Variants in CDC42BPG observed in about 807,000 individuals in gnomAD.
The protein encoded by CDC42BPG is serine/threonine-protein kinase MRCK gamma.
A neutral mutation model predicts 192.2 loss-of-function variants in CDC42BPG; 157 were observed. The observed-to-expected ratio is 0.82, with a 90% CI of 0.72 to 0.93. The LOEUF is 0.93. Among genes scored for constraint, CDC42BPG ranks in the 40% least tolerant of loss-of-function variants. The probability of loss-of-function intolerance (pLI) is 0.00; values close to 1 mark genes in which losing one functional copy is unlikely to be tolerated. For missense variants in CDC42BPG, 1,992 were observed against 2,122.1 expected, an observed-to-expected ratio of 0.94 and a Z score of 1.20; for synonymous variants, 981 against 918.5, an observed-to-expected ratio of 1.07 and a Z score of -1.23.
rs779188910 is a variant in CDC42BPG, at chr11:64,835,092, T to G, written c.2015A>C (p.Glu672Ala). The G allele has an allele frequency of 2.6e-6, 4 of 1,561,076 alleles. No individual in the cohort carries two copies. The East Asian group carries it at 9.6e-5, about 38-fold the overall frequency. ...SKQRLEGERRETESNWEAQLA... is the reference protein window; with the variant it reads ...SKQRLEGERRATESNWEAQLA... ...CTGGGCCTCCCAGTTGCTCTCCGTCTCCCGCCGCTCACCCTCCAGCCGCTG... is the reference window on the plus strand; with the variant it reads ...CTGGGCCTCCCAGTTGCTCTCCGTCGCCCGCCGCTCACCCTCCAGCCGCTG... The change falls in exon 17 of 37, where the codon GAG becomes GCG. Residue 672 changes from glutamate (E) to alanine (A), a missense_variant. This residue lies in a region of CDC42BPG where 1,656 missense variants were observed against 1,844.3 expected (regional missense o/e 0.90). Transcript: ENST00000342711.
intron 36 of CDC42BPG, 31 bp downstream of exon 36, chr11:64,826,439 G>C (rs1458160022): frequency 1.3e-6 from 2 of 1,497,610 alleles, no homozygotes; most frequent in African/African-American, 1.4e-5. Context: ...CGTTTGAATA[G>C]GGGACGGACA....
At position 64,836,427 on chromosome 11, in the gene CDC42BPG, C is replaced by T. The variant is rs749088349; in HGVS notation, c.1488G>A (p.Arg496=). 1.2e-6 allele frequency: 2 copies of T among 1,613,190 alleles called. No individual in the cohort carries two copies. Among genetic ancestry groups the T allele is most frequent in the Non-Finnish European group, 1.7e-6 (2 of 1,179,674 alleles). Residue 496 remains arginine, a splice_region_variant and synonymous_variant, in exon 12 of 37, where the codon CGG becomes CGA. Coordinates refer to ENST00000342711, the MANE Select transcript of CDC42BPG (RefSeq NM_017525.3). The part of the protein sequence containing the change: ...DLRQELDRLH[R]ELAEGRAGLQ... ...CTCACCCACCTCACCCAGCCCTCAC[C>T]CGGTGAAGTCGGTCAAGCTCCTGCC... is the stretch of plus-strand genomic sequence containing the variant.
chr11:64,836,365 C>G (rs1179418774), intron 12 of CDC42BPG, 62 bp downstream of exon 12: 3 of 993,192 alleles, frequency 3.0e-6, no homozygotes, highest in Non-Finnish European at 4.5e-6. Context: ...CCATGGAGCC[C>G]AGGGCCACTC....
chr11:64,827,186 G>A lies in CDC42BPG; in HGVS notation c.4272-19C>T. ...CATCTCCCTGTGGGCGGAGGTGTAA[G>A]TAGTGGGTGGCGAAGCTCCACCCTC... On this transcript the variant is annotated intron_variant, in intron 33 of 36. Transcript: ENST00000342711. 2 of 1,613,460 alleles carry A rather than the reference G, an allele frequency of 1.2e-6. No individual in the cohort carries two copies. Among genetic ancestry groups the A allele is most frequent in the East Asian group, 2.2e-5 (1 of 44,876 alleles).
chr11:64,828,111 G>A (rs1241772532), intron 30 of CDC42BPG, among the ~76,000 whole-genome samples: 3 of 152,196 alleles, frequency 2.0e-5, no homozygotes, highest in Non-Finnish European at 4.4e-5. Context: ...TCACTCAGCT[G>A]GTCCTGAGAG....
At chr11:64,840,741 G>T in intron 3 of CDC42BPG, 93 bp from the exon 4 acceptor site, 1 of 1,132,108 alleles carries the variant, frequency 8.8e-7, no homozygotes, top group Non-Finnish European at 1.3e-6. Context: ...GATTCTGTGA[G>T]TCTGGGAGCT....
intron 14 of CDC42BPG, 36 bp from the exon 15 acceptor site, chr11:64,835,657 A>C (rs1382865617): frequency 6.3e-7 from 1 of 1,580,642 alleles, no homozygotes; most frequent in Non-Finnish European, 8.6e-7. Context: ...CAGAGACCCA[A>C]GATGCCATGG....
intron 36 of CDC42BPG, among the ~76,000 whole-genome samples, chr11:64,825,493 G>T (rs573280593): frequency 1.7e-4 from 26 of 152,278 alleles, no homozygotes; most frequent in African/African-American, 6.0e-4. Flanking sequence ...CACCTGGAGG[G>T]CAGTCTGATG....
chr11:64,835,272 G>C (rs1942925918), intron 16 of CDC42BPG, 75 bp downstream of exon 16: 2 of 1,610,050 alleles, frequency 1.2e-6, no homozygotes, highest in Non-Finnish European at 1.7e-6. Flanking sequence ...ACTGGCTGCA[G>C]CTTGCCCACC....
At position 64,827,730 on chromosome 11, in the gene CDC42BPG, C is replaced by G. The variant is rs1430141961; in HGVS notation, c.4021G>C (p.Asp1341His). The part of the protein sequence containing the change: ...VFSENSIDVF[D>H]VRRAEWVQTV... ...TGCACCCATTCTGCCCTCCTCACGT[C>G]AAACACATCGATGGAGTTCTCGCTG... is the stretch of plus-strand genomic sequence containing the variant. The change falls in exon 31 of 37, where the codon GAC becomes CAC. Residue 1341 changes from aspartate to histidine, a missense_variant. Physicochemically the swap from Asp to His is moderately conservative, Grantham distance 81 (BLOSUM62 -1). Coordinates refer to ENST00000342711, the MANE Select transcript of CDC42BPG (RefSeq NM_017525.3). 1.9e-6 allele frequency: 3 copies of G among 1,613,414 alleles called. No individual in the cohort carries two copies. In the Admixed American group the frequency reaches 5.0e-5, roughly 27 times the overall value.
chr11:64,830,111 T>C (rs762608078), intron 29 of CDC42BPG, 41 bp from the exon 30 acceptor site: 51 of 1,611,658 alleles, frequency 3.2e-5, no homozygotes, highest in Non-Finnish European at 4.2e-5. Flanking sequence ...GGCAGGTGGT[T>C]GAAGAGTGAC....
chr11:64,827,508 T>TAC lies in CDC42BPG; in HGVS notation c.4150+17_4150+18dup. On this transcript the variant is annotated intron_variant, in intron 32 of 36. Transcript: ENST00000342711. ...GCGCACTGGGGAACGCACACACCCG[T>TAC]ACACACGCACTCCCTCACCTGCCAG... is the stretch of plus-strand genomic sequence containing the variant. 6.2e-7 allele frequency: 1 copy of TAC among 1,610,894 alleles called. No homozygotes were observed. The highest frequency in any genetic ancestry group is 1.1e-5 in the South Asian group (1 of 90,938).
chr11:64,836,450 G>A lies in CDC42BPG; in HGVS notation c.1465C>T (p.Gln489Ter). ...ACCCGGTGAAGTCGGTCAAGCTCCT[G>A]CCGTAGGTCACTGTCCTGACCTGGG... ...GSPGQDSDLR[Q>*]ELDRLHRELA... The change falls in exon 12 of 37, where the codon CAG becomes TAG. Residue 489 changes from glutamine (Q) to a stop codon, truncating the protein, a stop_gained. Coordinates refer to ENST00000342711, the MANE Select transcript of CDC42BPG (RefSeq NM_017525.3). LOFTEE classifies it high-confidence loss of function. 1 of 1,613,424 alleles carries A rather than the reference G, an allele frequency of 6.2e-7. No individual in the cohort carries two copies. Among genetic ancestry groups the A allele is most frequent in the South Asian group, 1.1e-5 (1 of 91,068 alleles).
chr11:64,835,835 G>A lies in CDC42BPG; in HGVS notation c.1685C>T (p.Ser562Phe), dbSNP rs759012035. The A allele has an allele frequency of 4.3e-6, 7 of 1,611,860 alleles. No homozygotes were observed. The African/African-American group carries it at 8.0e-5, about 18-fold the overall frequency. Residue 562 changes from serine (S) to phenylalanine (F), a missense_variant, in exon 14 of 37, where the codon TCC (serine) becomes TTC (phenylalanine). Around this residue, in one of 2 missense-constraint regions of CDC42BPG, gnomAD observed 1,656 missense variants for 1,844.3 expected, o/e 0.90. Transcript: ENST00000342711. ...AAQRELEAQV[S>F]SLSRQVTQLQ... ...CTGCGTCACCTGCCGGCTCAGGGAG[G>A]ACACCTGGGCCTCCAGCTGTGAGGG...
At chr11:64,841,557 GC>G in intron 3 of CDC42BPG, 92 bp downstream of exon 3, 1 of 1,030,746 alleles carries the variant, frequency 9.7e-7, no homozygotes, top group Non-Finnish European at 1.5e-6. Flanking sequence ...CTGCAGCCTT[GC>G]CCGCCCCCCC....
chr11:64,827,638 C>A, intron 31 of CDC42BPG, 27 bp from the exon 32 acceptor site: 1 of 1,606,406 alleles, frequency 6.2e-7, no homozygotes, highest in Non-Finnish European at 8.5e-7. Flanking sequence ...AGCGGTCAGG[C>A]CACGCCTCCA....
At chr11:64,827,922 C>T in intron 30 of CDC42BPG, 139 bp from the exon 31 acceptor site, 1 of 660,404 alleles carries the variant, frequency 1.5e-6, no homozygotes, top group Admixed American at 3.0e-5. Flanking sequence ...CCGGCCCAGC[C>T]TCCACATCAA....
intron 9 of CDC42BPG, among the ~76,000 whole-genome samples, chr11:64,837,662 A>G (rs1253664668): frequency 6.6e-6 from 1 of 151,996 alleles, no homozygotes; most frequent in Admixed American, 6.5e-5. Context: ...GGGTTTCACT[A>G]TGTTGGCCAG....
chr11:64,834,796 G>A (rs1169680685), intron 18 of CDC42BPG, 53 bp downstream of exon 18: 15 of 1,534,768 alleles, frequency 9.8e-6, no homozygotes, highest in South Asian at 2.3e-5. Context: ...CTGAGCTCAC[G>A]GAAGGTCAGT....
Sources: gnomAD v4.1 joint callset for allele counts (sites outside exome capture counted in the v4.1 genomes callset) on GRCh38, gnomAD v4.1.1 for gene constraint, gnomAD v4.1.1 regional missense constraint, MANE v1.5 for transcripts, NCBI Gene and HGNC (gene_info 2026-07-23, HGNC 2026-07-21) for gene names.